The following FSTL4 variants were observed in gnomAD, a reference collection of about 807,000 sequenced individuals.
The protein encoded by FSTL4 is follistatin like 4, also known as follistatin-related protein 4.
In FSTL4, 28 loss-of-function variants were observed where a neutral mutation model predicts 78.2. The observed-to-expected ratio is 0.36, with a 90% confidence interval of 0.27 to 0.49. FSTL4 has a LOEUF of 0.49. FSTL4 is among the 20% of genes least tolerant of loss of function. FSTL4 has a pLI of 0.98. For missense variants in FSTL4, 922 were observed against 1,084.9 expected (o/e 0.85, Z 2.11); for synonymous variants, 422 against 440.5 (o/e 0.96, Z 0.53).
intron 6 of FSTL4, among the ~76,000 whole-genome samples, chr5:133,275,532 C>A (rs1282163715): frequency 6.7e-6 from 1 of 149,850 alleles, no homozygotes; most frequent in Non-Finnish European, 1.5e-5. Context: ...TGCACTCTAG[C>A]CTGGGCAACA....
chr5:133,296,557 G>A (rs1473775817), intron 6 of FSTL4, among the ~76,000 whole-genome samples: 2 of 152,028 alleles, frequency 1.3e-5, no homozygotes, highest in African/African-American at 4.8e-5. Flanking sequence ...TTTACCTAGG[G>A]GGCTAGGACA....
At chr5:133,560,711 C>T (rs1354039232) in intron 3 of FSTL4, among the ~76,000 whole-genome samples, 1 of 150,396 alleles carries the variant, frequency 6.6e-6, no homozygotes, top group Non-Finnish European at 1.5e-5. Context: ...CTTAGTTCTT[C>T]TGATTGTAGA....
the FSTL4 span, among the ~76,000 whole-genome samples, chr5:133,834,682 T>G: frequency 5.9e-5 from 9 of 152,050 alleles, no homozygotes; most frequent in Non-Finnish European, 1.3e-4. Context: ...TGTTATAGAA[T>G]CAGAAAAAAT....
chr5:133,754,870 C>T, the FSTL4 span, among the ~76,000 whole-genome samples: 6 of 152,172 alleles, frequency 3.9e-5, no homozygotes, highest in African/African-American at 1.4e-4. Context: ...CCAGCCATCC[C>T]TCCCACCTTC....
chr5:133,367,279 C>G (rs1755199691), intron 4 of FSTL4, among the ~76,000 whole-genome samples: 1 of 152,204 alleles, frequency 6.6e-6, no homozygotes, highest in Non-Finnish European at 1.5e-5. Flanking sequence ...AGATTCATGT[C>G]TATATCCCCA....
At chr5:133,759,378 G>A in the FSTL4 span, among the ~76,000 whole-genome samples, 7 of 152,272 alleles carry the variant, frequency 4.6e-5, no homozygotes, top group Admixed American at 6.5e-5. Context: ...CCCTTTCAGC[G>A]AAATGTGGTA....
chr5:133,726,465 T>A, the FSTL4 span, among the ~76,000 whole-genome samples: 1 of 152,158 alleles, frequency 6.6e-6, no homozygotes, highest in Non-Finnish European at 1.5e-5. Flanking sequence ...GAGCTTTATC[T>A]CACCGAGGCA....
chr5:133,367,955 G>A (rs1755212708), intron 4 of FSTL4, among the ~76,000 whole-genome samples: 1 of 152,212 alleles, frequency 6.6e-6, no homozygotes, highest in Admixed American at 6.5e-5. Context: ...GATCCAACAG[G>A]CAGGATCAAG....
At chr5:133,732,417 A>G in the FSTL4 span, among the ~76,000 whole-genome samples, 1 of 152,128 alleles carries the variant, frequency 6.6e-6, no homozygotes, top group South Asian at 2.1e-4. Context: ...TGCCATCTAA[A>G]TTACTCCCTG....
the FSTL4 span, among the ~76,000 whole-genome samples, chr5:133,719,107 G>T: frequency 6.6e-6 from 1 of 152,090 alleles, no homozygotes; most frequent in Non-Finnish European, 1.5e-5. Context: ...TATCTCTTAT[G>T]CTTTGGCTAC....
intron 3 of FSTL4, among the ~76,000 whole-genome samples, chr5:133,521,044 A>AT (rs35190273): frequency 0.19 from 28,381 of 151,640 alleles, 3,041 homozygotes; most frequent in African/African-American, 0.28. Flanking sequence ...CCTTAAAGAA[A>AT]TTTTTTTTTC....
chr5:133,748,344 T>C, the FSTL4 span, among the ~76,000 whole-genome samples: 1 of 151,950 alleles, frequency 6.6e-6, no homozygotes, highest in African/African-American at 2.4e-5. Flanking sequence ...CCAAGGCAGG[T>C]GGATTACTTG....
At chr5:133,813,355 T>C in the FSTL4 span, among the ~76,000 whole-genome samples, 1 of 152,256 alleles carries the variant, frequency 6.6e-6, no homozygotes, top group Non-Finnish European at 1.5e-5. Context: ...ACAAATTTTA[T>C]TGAATATTTC....
At chr5:133,467,006 G>A (rs905844873) in intron 3 of FSTL4, among the ~76,000 whole-genome samples, 2 of 151,992 alleles carry the variant, frequency 1.3e-5, no homozygotes, top group African/African-American at 4.8e-5. Flanking sequence ...GACAGTGTAT[G>A]AGTGTGTGAG....
chr5:133,695,765 A>AG, the FSTL4 span, among the ~76,000 whole-genome samples: 1 of 151,932 alleles, frequency 6.6e-6, no homozygotes. Context: ...ACCAAAGGCA[A>AG]CCCCCTCCCC....
the FSTL4 span, among the ~76,000 whole-genome samples, chr5:133,768,488 C>T: frequency 6.6e-6 from 1 of 152,212 alleles, no homozygotes; most frequent in Admixed American, 6.5e-5. Flanking sequence ...AACACTCATT[C>T]AGCATTAGCC....
intron 11 of FSTL4, among the ~76,000 whole-genome samples, chr5:133,221,913 T>TTTTTTTTTTTTTTTTTTTTTTTTTTTG (rs1751140299): frequency 4.1e-5 from 4 of 97,806 alleles, no homozygotes; most frequent in Non-Finnish European, 7.8e-5. Flanking sequence ...TTTTTTTTTT[T>TTTTTTTTTTTTTTTTTTTTTTTTTTTG]TTTTTTTTTT....
At chr5:133,765,248 T>C in the FSTL4 span, among the ~76,000 whole-genome samples, 5 of 152,132 alleles carry the variant, frequency 3.3e-5, no homozygotes, top group African/African-American at 7.2e-5. Flanking sequence ...AAGCATAAGG[T>C]TTCTATTTAT....
chr5:133,741,519 G>A, the FSTL4 span, among the ~76,000 whole-genome samples: 1 of 152,236 alleles, frequency 6.6e-6, no homozygotes, highest in Non-Finnish European at 1.5e-5. Flanking sequence ...ACCGCAGCCT[G>A]TGAGCAGCAA....
Sources: allele counts gnomAD v4.1 joint callset (sites outside exome capture counted in the v4.1 genomes callset), GRCh38; gene constraint gnomAD v4.1.1; transcripts MANE v1.5; gene names NCBI Gene and HGNC (gene_info 2026-07-23, HGNC 2026-07-21).